The following KY variants were observed in gnomAD, a reference collection of about 807,000 sequenced individuals.
KY encodes kyphoscoliosis peptidase.
Under a neutral mutation model 76.1 loss-of-function variants are expected in KY, and 43 were observed. The ratio of observed to expected loss-of-function variants is 0.57; its 90% CI spans 0.44 to 0.73. The LOEUF (loss-of-function observed/expected upper bound fraction) is 0.73. Among genes scored for constraint, KY ranks in the 30% least tolerant of loss-of-function variants. The pLI, the probability that KY is intolerant of heterozygous loss-of-function variation, is 0.00. For synonymous variants in KY, 277 were observed against 326.2 expected (o/e 0.85, Z 1.63); for missense variants, 722 against 828.9 (o/e 0.87, Z 1.58).
At chr3:134,634,943 C>T (rs1297199761) in intron 3 of KY, among the ~76,000 whole-genome samples, 1 of 152,174 alleles carries the variant, frequency 6.6e-6, no homozygotes, top group Non-Finnish European at 1.5e-5. Context: ...TCATATATTG[C>T]TAGTGGGATT....
Position 134,602,897 on chromosome 3 carries a change from G to T in KY, c.*682C>A, listed in dbSNP as rs555965364. On this transcript the variant is annotated 3_prime_UTR_variant, in exon 11 of 11. Transcript: ENST00000423778. Reference sequence around the variant, plus strand: ...TTTGCAGTCTCCTCACAACTTTCTGGTTGTCACATTCCTGACTATACTTAG... The same window carrying T: ...TTTGCAGTCTCCTCACAACTTTCTGTTTGTCACATTCCTGACTATACTTAG... Among the ~76,000 whole-genome samples the T allele has an allele frequency of 1.3e-4, 20 of 152,340 alleles. 1 individual carries two copies. Among genetic ancestry groups the T allele is most frequent in the African/African-American group, 4.6e-4 (19 of 41,584 alleles).
intron 8 of KY, among the ~76,000 whole-genome samples, chr3:134,616,253 G>A (rs918716710): frequency 2.0e-5 from 3 of 152,218 alleles, no homozygotes; most frequent in Non-Finnish European, 4.4e-5. Flanking sequence ...ACTTGGGACA[G>A]ACAGAAGGAA....
chr3:134,640,272 T>A (rs1965577689), intron 3 of KY, among the ~76,000 whole-genome samples: 1 of 152,202 alleles, frequency 6.6e-6, no homozygotes, highest in African/African-American at 2.4e-5. Context: ...GTCCCTGTCC[T>A]GTATGGAAGA....
intron 2 of KY, among the ~76,000 whole-genome samples, chr3:134,645,642 G>A (rs563828796): frequency 1.3e-5 from 2 of 152,364 alleles, no homozygotes; most frequent in East Asian, 3.9e-4. Flanking sequence ...CTTTACACAT[G>A]TTGATGGAGT....
In KY at chr3:134,600,888, G is replaced by C. The variant is rs555053689; in HGVS notation, c.*2691C>G. The C allele has an allele frequency of 6.6e-6, 1 of 152,334 alleles. No homozygotes were observed. The highest frequency in any genetic ancestry group is 1.9e-4 in the East Asian group (1 of 5,178). The allele number at this position is 152,334 out of a possible 1,614,324, so 9.4% of individuals were successfully genotyped here. ...CTCCGTGTACACATAAGGTAGCGCT[G>C]AGAAGCCACGAGAAAGCACCTAGTG... On this transcript the variant is annotated 3_prime_UTR_variant, in exon 11 of 11. Transcript: ENST00000423778.
At chr3:134,650,727 G>C (rs1456088272) in intron 1 of KY, 98 bp downstream of exon 1, 5 of 1,185,162 alleles carry the variant, frequency 4.2e-6, no homozygotes, top group African/African-American at 1.6e-5. Flanking sequence ...CGCTGACCTC[G>C]TTCGGGGGAG....
chr3:134,604,522 G>T (rs1472040725), intron 10 of KY, 48 bp from the exon 11 acceptor site: 1 of 1,469,092 alleles, frequency 6.8e-7, no homozygotes, highest in South Asian at 1.3e-5. Context: ...AGCACGTGCT[G>T]ATGTGCTGGT....
intron 3 of KY, among the ~76,000 whole-genome samples, chr3:134,631,914 A>G (rs577337005): frequency 1.3e-5 from 2 of 152,260 alleles, no homozygotes; most frequent in African/African-American, 4.8e-5. Context: ...AATACATAAG[A>G]TTAAACTATA....
intron 3 of KY, among the ~76,000 whole-genome samples, chr3:134,631,274 T>C (rs1964190352): frequency 6.6e-6 from 1 of 152,096 alleles, no homozygotes; most frequent in African/African-American, 2.4e-5. Flanking sequence ...AAAATCCAAG[T>C]CCAGACACAT....
rs143219250 is a variant in KY at position 134,623,756 on chromosome 3, T to A, written c.483+1297A>T. On this transcript the variant is annotated intron_variant, in intron 6 of 10. Transcript: ENST00000423778. Reference sequence around the variant, plus strand: ...CACTTTGATGCTGCAGTAGCCGACATGGCGTCTGTCCTGATCTCACTTGAG... The same window carrying A: ...CACTTTGATGCTGCAGTAGCCGACAAGGCGTCTGTCCTGATCTCACTTGAG... Among the ~76,000 whole-genome samples the A allele has an allele frequency of 2.8e-3, 423 of 152,260 alleles. 1 individual carries two copies. The highest frequency in any genetic ancestry group is 0.01 in the Middle Eastern group (3 of 294).
At chr3:134,631,357 C>T (rs1328870906) in intron 3 of KY, among the ~76,000 whole-genome samples, 1 of 152,050 alleles carries the variant, frequency 6.6e-6, no homozygotes, top group Non-Finnish European at 1.5e-5. Flanking sequence ...GAATTTGGTA[C>T]CAACAGACTT....
chr3:134,632,985 T>A (rs1429614852), intron 3 of KY, among the ~76,000 whole-genome samples: 3 of 152,010 alleles, frequency 2.0e-5, no homozygotes, highest in Non-Finnish European at 4.4e-5. Flanking sequence ...CTACAAAACT[T>A]CTGTGCACAT....
At chr3:134,612,751 CTGTG>C (rs35084772) in intron 8 of KY, among the ~76,000 whole-genome samples, 1,456 of 125,450 alleles carry the variant, frequency 0.012, 12 homozygotes, top group Non-Finnish European at 0.014. Context: ...CACGCCGATG[CTGTG>C]TGTGTGTGTG....
chr3:134,641,515 G>T (rs1421722162), intron 3 of KY, among the ~76,000 whole-genome samples: 1 of 152,160 alleles, frequency 6.6e-6, no homozygotes, highest in Non-Finnish European at 1.5e-5. Flanking sequence ...GCCTCTAGCA[G>T]CAGGAAGAGG....
chr3:134,635,237 C>G (rs1964766195), intron 3 of KY, among the ~76,000 whole-genome samples: 1 of 152,168 alleles, frequency 6.6e-6, no homozygotes, highest in Non-Finnish European at 1.5e-5. Context: ...TGGCTCATGC[C>G]TGTAATCCCA....
intron 10 of KY, among the ~76,000 whole-genome samples, 197 bp from the exon 11 acceptor site, chr3:134,604,671 C>T (rs1959127731): frequency 1.3e-5 from 2 of 152,204 alleles, no homozygotes; most frequent in South Asian, 4.1e-4. Context: ...CAGCCAGCGG[C>T]AGCACACCGC....
intron 3 of KY, among the ~76,000 whole-genome samples, chr3:134,639,535 A>G (rs1965443402): frequency 6.6e-6 from 1 of 152,202 alleles, no homozygotes; most frequent in African/African-American, 2.4e-5. Context: ...GTCTGGAAAC[A>G]TGGCAGTTTG....
intron 8 of KY, among the ~76,000 whole-genome samples, chr3:134,611,454 A>G (rs1960438872): frequency 6.6e-6 from 1 of 152,246 alleles, no homozygotes; most frequent in African/African-American, 2.4e-5. Context: ...TGGACTGTGC[A>G]GACAATTTCA....
chr3:134,623,942 T>C (rs1963059511), intron 6 of KY, among the ~76,000 whole-genome samples: 1 of 152,144 alleles, frequency 6.6e-6, no homozygotes, highest in Non-Finnish European at 1.5e-5. Flanking sequence ...TCCTATGGCT[T>C]CAGCTCTTAA....
Sources: gnomAD v4.1 joint callset for allele counts (sites outside exome capture counted in the v4.1 genomes callset) on GRCh38, gnomAD v4.1.1 for gene constraint, MANE v1.5 for transcripts, NCBI Gene and HGNC (gene_info 2026-07-23, HGNC 2026-07-21) for gene names.